The following NRCAM variants were observed in gnomAD, a reference collection of about 807,000 sequenced individuals.
NRCAM encodes the protein NgCAM-related cell adhesion molecule.
A neutral mutation model predicts 156.5 loss-of-function variants in NRCAM; 83 were observed. That is an observed-to-expected ratio of 0.53 (90% CI 0.44 to 0.64). The LOEUF (loss-of-function observed/expected upper bound fraction) is 0.64. Ranked by LOEUF, NRCAM falls within the 30% of genes least tolerant of loss-of-function variation. The probability of loss-of-function intolerance (pLI) is 0.00; values close to 1 mark genes in which losing one functional copy is unlikely to be tolerated. For synonymous variants in NRCAM, 538 were observed against 563.9 expected (o/e 0.95, Z 0.65); for missense variants, 1,417 against 1,597.3 (o/e 0.89, Z 1.92).
At chr7:108,185,726 G>C (rs1292830813) in intron 20 of NRCAM, among the ~76,000 whole-genome samples, 5 of 105,280 alleles carry the variant, frequency 4.7e-5, no homozygotes, top group Admixed American at 2.5e-4. Context: ...AAAAAAGAGA[G>C]AGAGAGAGGA....
At chr7:108,201,605 G>A (rs185005130) in intron 13 of NRCAM, among the ~76,000 whole-genome samples, 3 of 152,184 alleles carry the variant, frequency 2.0e-5, no homozygotes, top group East Asian at 3.9e-4. Flanking sequence ...AATGTTACAC[G>A]ACCATGAACT....
At position 108,337,454 on chromosome 7, in the gene NRCAM, T is replaced by C. The variant is rs183104918; in HGVS notation, c.-173-24723A>G. 6.1e-3 allele frequency among the ~76,000 whole-genome samples: 930 copies of C among 152,254 alleles called. 11 individuals are homozygous for C. The highest frequency in any genetic ancestry group is 0.021 in the African/African-American group (892 of 41,542). ...GTTGCAGACCCACTGCTGACTTCCA[T>C]CCCTCTGGATCTGGCAGGGTGTCTG... is the stretch of plus-strand genomic sequence containing the variant. On this transcript the variant is annotated intron_variant, in intron 2 of 32. Transcript: ENST00000379028.
intron 3 of NRCAM, among the ~76,000 whole-genome samples, chr7:108,299,105 C>CAAAAAAAAAAAAA (rs1292917918): frequency 3.5e-4 from 6 of 16,962 alleles, no homozygotes; most frequent in African/African-American, 7.0e-4. Context: ...GACTCCATCT[C>CAAAAAAAAAAAAA]AAAAAAAAAA....
intron 15 of NRCAM, 35 bp from the exon 16 acceptor site, chr7:108,194,463 A>G: frequency 1.4e-6 from 2 of 1,455,250 alleles, no homozygotes; most frequent in Non-Finnish European, 1.9e-6. Context: ...GAGAATAAAA[A>G]CACATTATAT....
chr7:108,268,622 GGGT>G (rs1324699699), intron 3 of NRCAM, among the ~76,000 whole-genome samples: 34 of 111,930 alleles, frequency 3.0e-4, no homozygotes, highest in African/African-American at 1.2e-3. Flanking sequence ...GCGGGGGTGG[GGGT>G]GGGGGGGGGT....
chr7:108,177,510 C>A (rs1214442174), intron 26 of NRCAM, among the ~76,000 whole-genome samples: 6 of 152,004 alleles, frequency 3.9e-5, no homozygotes, highest in Non-Finnish European at 8.8e-5. Flanking sequence ...GTAGTCCCAG[C>A]TACTCGGGAG....
chr7:108,421,803 G>C (rs1810283474), intron 1 of NRCAM, among the ~76,000 whole-genome samples: 1 of 152,146 alleles, frequency 6.6e-6, no homozygotes, highest in Non-Finnish European at 1.5e-5. Flanking sequence ...AAACTGCACA[G>C]TTTATTTTGA....
intron 3 of NRCAM, among the ~76,000 whole-genome samples, chr7:108,282,185 T>C (rs2097885419): frequency 6.6e-6 from 1 of 152,190 alleles, no homozygotes; most frequent in Non-Finnish European, 1.5e-5. Context: ...CCATTTCTAA[T>C]GAAAGGACTA....
chr7:108,241,986 G>T (rs1274432293), intron 3 of NRCAM, among the ~76,000 whole-genome samples: 1 of 151,996 alleles, frequency 6.6e-6, no homozygotes, highest in East Asian at 1.9e-4. Flanking sequence ...AATTTTAAAA[G>T]AATATGCCAG....
At chr7:108,166,404 T>G (rs1479306474) in intron 30 of NRCAM, among the ~76,000 whole-genome samples, 3 of 151,914 alleles carry the variant, frequency 2.0e-5, no homozygotes, top group Admixed American at 2.0e-4. Context: ...CCCACCACCA[T>G]GCCCAGCTAA....
chr7:108,182,008 T>G lies in NRCAM; in HGVS notation c.2531-71A>C, dbSNP rs541470721. The G allele has an allele frequency of 7.4e-6, 9 of 1,212,010 alleles. No homozygotes were observed. In the African/African-American group the frequency reaches 1.3e-4, roughly 18 times the overall value. The allele number at this position is 1,212,010 out of a possible 1,614,324, so 75.1% of individuals were successfully genotyped here. A position where few individuals can be genotyped will look rare whatever the true frequency, so the allele number is the denominator to read the frequency against. ...AATTTCATCCATAAATATGACTCTC[T>G]CTAATAATTTTGGCTTGAAGCATAC... On this transcript the variant is annotated intron_variant, in intron 23 of 32. Transcript: ENST00000379028.
intron 3 of NRCAM, among the ~76,000 whole-genome samples, chr7:108,256,322 A>G (rs1197638152): frequency 6.7e-6 from 1 of 148,600 alleles, no homozygotes; most frequent in Admixed American, 6.7e-5. Flanking sequence ...CTATAACCTT[A>G]CCCCCAACCC....
In NRCAM at chr7:108,188,782, C is replaced by T. The variant is rs368035087; in HGVS notation, c.2035+863G>A. Among the ~76,000 whole-genome samples the T allele has an allele frequency of 1.9e-3, 44 of 23,676 alleles. No individual in the cohort carries two copies. The East Asian group carries it at 0.19, about 102-fold the overall frequency. 15.5% of individuals were successfully genotyped at this position (23,676 alleles called of 152,430 possible). A position where few individuals can be genotyped will look rare whatever the true frequency, so the allele number is the denominator to read the frequency against. On this transcript the variant is annotated intron_variant, in intron 20 of 32. Transcript: ENST00000379028. The stretch of plus-strand genomic sequence containing the variant: ...GGGAAAAGAGCACCATTAAACAACA[C>T]AAGATAGAGGAGGGGCTTTTGTTAA...
At chr7:108,427,529 G>A (rs1030728762) in intron 1 of NRCAM, among the ~76,000 whole-genome samples, 2 of 152,176 alleles carry the variant, frequency 1.3e-5, no homozygotes, top group African/African-American at 4.8e-5. Context: ...TGGCTGGAGA[G>A]ACACTTTTAT....
intron 13 of NRCAM, among the ~76,000 whole-genome samples, chr7:108,201,753 A>ATT (rs201852978): frequency 6.6e-6 from 1 of 152,126 alleles, no homozygotes; most frequent in African/African-American, 2.4e-5. Context: ...TTGGGAAGGT[A>ATT]TTTTTTTACC....
chr7:108,449,012 C>T (rs1847502039), intron 1 of NRCAM, among the ~76,000 whole-genome samples: 1 of 152,178 alleles, frequency 6.6e-6, no homozygotes, highest in South Asian at 2.1e-4. Flanking sequence ...ATTTGCAATG[C>T]AATTAGGGGG....
In NRCAM at chr7:108,191,736, G is replaced by A. The variant is rs968694448; in HGVS notation, c.1896C>T (p.Ser632=). Residue 632 remains serine (S), a synonymous_variant, in exon 18 of 33, where the codon AGC becomes AGT. Coordinates refer to ENST00000379028, the MANE Select transcript of NRCAM (RefSeq NM_001037132.4). ...TTTTGTTTTCGTTCTTACCAACAAC[G>A]CTAAGCACAGCGCTGGCGGAGACGC... ...LDSVSASAVL[S]VVAPTPTPAP... The A allele has an allele frequency of 3.1e-6, 5 of 1,608,724 alleles. No homozygotes were observed. The highest frequency in any genetic ancestry group is 1.1e-5 in the South Asian group (1 of 90,374).
intron 15 of NRCAM, among the ~76,000 whole-genome samples, chr7:108,195,316 G>T (rs539892994): frequency 6.6e-6 from 1 of 152,126 alleles, no homozygotes; most frequent in African/African-American, 2.4e-5. Context: ...GTGAAATAAT[G>T]AATGAATTTA....
At chr7:108,262,801 G>C (rs897717503) in intron 3 of NRCAM, among the ~76,000 whole-genome samples, 5 of 152,142 alleles carry the variant, frequency 3.3e-5, no homozygotes, top group African/African-American at 1.2e-4. Context: ...AAAGTGTTCT[G>C]CTTTGTTGGC....
Sources: allele counts gnomAD v4.1 joint callset (sites outside exome capture counted in the v4.1 genomes callset), GRCh38; gene constraint gnomAD v4.1.1; transcripts MANE v1.5; gene names NCBI Gene and HGNC (gene_info 2026-07-23, HGNC 2026-07-21).